Variants in YAF2 observed in about 807,000 individuals in gnomAD.
YAF2 encodes the protein YY1 associated factor 2, also known as YY1-associated factor 2.
Under a neutral mutation model 20.1 loss-of-function variants are expected in YAF2, and 7 were observed. The ratio of observed to expected loss-of-function variants is 0.35; its 90% CI spans 0.20 to 0.65. The LOEUF is 0.65. Ranked by LOEUF, YAF2 falls within the 30% of genes least tolerant of loss-of-function variation. The pLI is 0.69. For missense variants in YAF2, 151 were observed against 219.2 expected (o/e 0.69, Z 1.96); for synonymous variants, 74 against 76.0 (o/e 0.97, Z 0.14).
Position 42,175,740 on chromosome 12 carries a change from C to CAAAAAAAA in YAF2, c.153-13983_153-13976dup, listed in dbSNP as rs59476115. On this transcript the variant is annotated intron_variant, in intron 2 of 3. Coordinates refer to ENST00000534854, the MANE Select transcript of YAF2 (RefSeq NM_005748.6). ...CTGGCGACAGAGCAAGACTCTGTCT[C>CAAAAAAAA]AAAAAAAAAAAAAAAAAAAAAAAAA... is the stretch of plus-strand genomic sequence containing the variant. Among the ~76,000 whole-genome samples, 170 of 44,996 alleles carry CAAAAAAAA rather than the reference C, an allele frequency of 3.8e-3. 10 individuals carry two copies. Among genetic ancestry groups the CAAAAAAAA allele is most frequent in the East Asian group, 0.012 (16 of 1,286 alleles). 29.5% of individuals were successfully genotyped at this position (44,996 alleles called of 152,430 possible). A position where few individuals can be genotyped will look rare whatever the true frequency, so the allele number is the denominator to read the frequency against.
intron 2 of YAF2, among the ~76,000 whole-genome samples, chr12:42,227,048 G>GCGAC (rs1207456435): frequency 1.4e-5 from 2 of 145,482 alleles, no homozygotes; most frequent in African/African-American, 5.1e-5. Flanking sequence ...AGCCGCTGCC[G>GCGAC]CGACCGACCG....
chr12:42,225,323 C>G (rs2067657501), intron 2 of YAF2, among the ~76,000 whole-genome samples: 1 of 152,190 alleles, frequency 6.6e-6, no homozygotes, highest in African/African-American at 2.4e-5. Context: ...CCTGTTCACT[C>G]TGATGATAGT....
intron 2 of YAF2, among the ~76,000 whole-genome samples, chr12:42,227,746 G>T (rs1480849013): frequency 6.7e-6 from 1 of 149,990 alleles, no homozygotes; most frequent in South Asian, 2.1e-4. Context: ...CGGGAGGGAG[G>T]TGGGGGGGTC....
intron 2 of YAF2, among the ~76,000 whole-genome samples, chr12:42,195,736 C>T (rs777401187): frequency 1.1e-4 from 17 of 152,170 alleles, no homozygotes; most frequent in Admixed American, 2.0e-4. Context: ...AATAGACCAT[C>T]GAACCAGTCA....
chr12:42,179,789 CAAAAAAA>C (rs71084622), intron 2 of YAF2, among the ~76,000 whole-genome samples: 18 of 85,132 alleles, frequency 2.1e-4, no homozygotes, highest in African/African-American at 5.6e-4. Flanking sequence ...GTCTAAAAGG[CAAAAAAA>C]AAAAAAAAAA....
intron 2 of YAF2, among the ~76,000 whole-genome samples, chr12:42,196,227 GAAAAA>G (rs34267272): frequency 2.0e-4 from 15 of 74,508 alleles, no homozygotes; most frequent in Non-Finnish European, 3.2e-4. Flanking sequence ...AATCCATCTG[GAAAAA>G]AAAAAAAAAA....
chr12:42,231,217 A>G (rs2067974597), intron 2 of YAF2: 1 of 152,180 alleles, frequency 6.6e-6, no homozygotes, highest in South Asian at 2.1e-4. Flanking sequence ...TAAATACATC[A>G]CATATTAAAT....
chr12:42,235,978 TC>T, intron 2 of YAF2: 5 of 1,535,972 alleles, frequency 3.3e-6, no homozygotes, highest in Non-Finnish European at 4.4e-6. Flanking sequence ...GACACCAGCT[TC>T]CCCCCTTCCT....
At chr12:42,217,363 C>A (rs890810089) in intron 2 of YAF2, among the ~76,000 whole-genome samples, 1 of 152,044 alleles carries the variant, frequency 6.6e-6, no homozygotes, top group African/African-American at 2.4e-5. Flanking sequence ...AAAGCAGTTG[C>A]GCTAACACCC....
intron 2 of YAF2, among the ~76,000 whole-genome samples, chr12:42,227,788 A>G (rs2067782425): frequency 7.8e-6 from 1 of 128,934 alleles, no homozygotes. Context: ...GCTGTCCGGG[A>G]GGGAGGTGGG....
At chr12:42,209,044 A>G (rs2067131324) in intron 2 of YAF2, among the ~76,000 whole-genome samples, 1 of 152,192 alleles carries the variant, frequency 6.6e-6, no homozygotes, top group Non-Finnish European at 1.5e-5. Context: ...GAAACTATAT[A>G]GTAACATTTA....
In YAF2 at chr12:42,237,853, G is replaced by A; in HGVS notation, c.27-129C>T. 9.0e-6 allele frequency: 7 copies of A among 778,004 alleles called. No individual in the cohort carries two copies. The South Asian group carries it at 4.3e-4, about 48-fold the overall frequency. 48.2% of individuals were successfully genotyped at this position (778,004 alleles called of 1,614,324 possible). A position where few individuals can be genotyped will look rare whatever the true frequency, so the allele number is the denominator to read the frequency against. On this transcript the variant is annotated intron_variant, in intron 1 of 3. Coordinates refer to ENST00000534854, the MANE Select transcript of YAF2 (RefSeq NM_005748.6). Reference sequence around the variant, plus strand: ...TGCGACCCCCGCCCCGCGGGCCCTCGGCGCGCCGCGCTCCGGCTGAGGGGG... The same window carrying A: ...TGCGACCCCCGCCCCGCGGGCCCTCAGCGCGCCGCGCTCCGGCTGAGGGGG...
At chr12:42,224,526 T>C (rs1222353658) in intron 2 of YAF2, among the ~76,000 whole-genome samples, 1 of 152,052 alleles carries the variant, frequency 6.6e-6, no homozygotes, top group Non-Finnish European at 1.5e-5. Context: ...ATCCCTCCTC[T>C]AGCCCCCCAC....
At chr12:42,189,414 T>G (rs1423893396) in intron 2 of YAF2, among the ~76,000 whole-genome samples, 1 of 152,186 alleles carries the variant, frequency 6.6e-6, no homozygotes, top group Non-Finnish European at 1.5e-5. Context: ...ATATTTGAAA[T>G]GTACTATAAT....
In YAF2 at chr12:42,201,509, G is replaced by A. The variant is rs370850927; in HGVS notation, c.152+36090C>T. Reference sequence around the variant, plus strand: ...TATATAGTCTGGACACAAATCCACCGAATATTAAAGACATTGTGTGTGTCT... The same window carrying A: ...TATATAGTCTGGACACAAATCCACCAAATATTAAAGACATTGTGTGTGTCT... On this transcript the variant is annotated intron_variant, in intron 2 of 3. Transcript: ENST00000534854. Among the ~76,000 whole-genome samples, 102 of 152,048 alleles carry A rather than the reference G, an allele frequency of 6.7e-4. 1 individual carries two copies. Among genetic ancestry groups the A allele is most frequent in the African/African-American group, 2.3e-3 (97 of 41,372 alleles).
At chr12:42,220,890 A>ATATTTG (rs2067492791) in intron 2 of YAF2, among the ~76,000 whole-genome samples, 1 of 152,214 alleles carries the variant, frequency 6.6e-6, no homozygotes, top group Non-Finnish European at 1.5e-5. Context: ...GTGATTCTTA[A>ATATTTG]TATTTGTATC....
intron 2 of YAF2, among the ~76,000 whole-genome samples, chr12:42,190,526 T>C (rs1450301144): frequency 4.6e-5 from 7 of 152,214 alleles, no homozygotes; most frequent in Admixed American, 2.6e-4. Context: ...TTATTTACTA[T>C]TCCTTATCTT....
chr12:42,208,956 C>T (rs913315604), intron 2 of YAF2, among the ~76,000 whole-genome samples: 1 of 152,150 alleles, frequency 6.6e-6, no homozygotes, highest in Non-Finnish European at 1.5e-5. Flanking sequence ...CCACTACGAG[C>T]TCTTTATATT....
chr12:42,236,326 CT>C, intron 2 of YAF2, among the ~76,000 whole-genome samples: 1 of 152,080 alleles, frequency 6.6e-6, no homozygotes, highest in East Asian at 1.9e-4. Flanking sequence ...TTAGCAAATA[CT>C]TTTTTTCTTT....
Sources: allele counts gnomAD v4.1 joint callset (sites outside exome capture counted in the v4.1 genomes callset), GRCh38; gene constraint gnomAD v4.1.1; transcripts MANE v1.5; gene names NCBI Gene and HGNC (gene_info 2026-07-23, HGNC 2026-07-21).